The following TRIM3 variants were observed in gnomAD, a reference collection of about 807,000 sequenced individuals.
TRIM3 encodes the protein tripartite motif containing 3.
TRIM3 carries 13 observed loss-of-function variants against 66.6 expected under a neutral mutation model. That is an observed-to-expected ratio of 0.20 (90% CI 0.13 to 0.31). The LOEUF (loss-of-function observed/expected upper bound fraction) is 0.31, where lower values mean the gene tolerates loss of function less well. Ranked by LOEUF, TRIM3 falls within the 10% of genes least tolerant of loss-of-function variation. The pLI is 1.00. For synonymous variants in TRIM3, 406 were observed against 411.7 expected, an observed-to-expected ratio of 0.99 and a Z score of 0.17; for missense variants, 711 against 1,020.4, an observed-to-expected ratio of 0.70 and a Z score of 4.13.
Position 6,456,742 on chromosome 11 carries a change from C to T in TRIM3, c.984G>A (p.Thr328=), listed in dbSNP as rs1375538601. 2.5e-6 allele frequency: 4 copies of T among 1,610,864 alleles called. No individual in the cohort carries two copies. Among genetic ancestry groups the T allele is most frequent in the Middle Eastern group, 1.7e-4 (1 of 6,060 alleles). The change falls in exon 6 of 12, where the codon ACG becomes ACA. Residue 328 remains threonine (T), a synonymous_variant. Transcript: ENST00000345851. This position sits in a 1 kb window ranked among gnomAD's most constrained non-coding sequence, Gnocchi z 6.4. ...CTAGCGCCTGGCGCAGGCCCTCTCC[C>T]GTGGCCACCGTTTCGTGTGCAGTGG... ...TSATAHETVA[T]GEGLRQALVG...
intron 1 of TRIM3, among the ~76,000 whole-genome samples, chr11:6,471,951 T>TAC (rs1387897252): frequency 6.6e-6 from 1 of 152,080 alleles, no homozygotes; most frequent in East Asian, 1.9e-4. Context: ...CCTAAAAGCA[T>TAC]AAAAATAAAT....
chr11:6,463,926 C>G (rs143432611), intron 2 of TRIM3, among the ~76,000 whole-genome samples: 70 of 152,276 alleles, frequency 4.6e-4, no homozygotes, highest in African/African-American at 1.5e-3. Flanking sequence ...GGCAGTGGAG[C>G]TGGAATCTCA....
chr11:6,456,443 G>A lies in TRIM3; in HGVS notation c.1283C>T (p.Pro428Leu), dbSNP rs748564572. 2.6e-6 allele frequency: 4 copies of A among 1,537,820 alleles called. No homozygotes were observed. The highest frequency in any genetic ancestry group is 2.0e-5 in the Admixed American group (1 of 50,960). The change falls in exon 6 of 12, where the codon CCG (proline) becomes CTG (leucine). Residue 428 changes from proline to leucine, a missense_variant. Pro to Leu is a moderately conservative substitution (Grantham distance 98). This residue lies in a region of TRIM3 where 399 missense variants were observed against 458.1 expected (regional missense o/e 0.87). Coordinates refer to ENST00000345851, the MANE Select transcript of TRIM3 (RefSeq NM_033278.4). This position sits in a 1 kb window ranked among gnomAD's most constrained non-coding sequence, Gnocchi z 6.4. The part of the protein sequence containing the change: ...ALRPGDLPPS[P>L]DDVKRRVKSP... ...CTTGACACGGCGCTTCACATCGTCC[G>A]GGGAAGGTGGCAGGTCCCCCGGACG...
chr11:6,457,836 A>G lies in TRIM3; in HGVS notation c.375T>C (p.Phe125=). The change falls in exon 4 of 12, where the codon TTT becomes TTC. Residue 125 remains phenylalanine (F), a synonymous_variant. Transcript: ENST00000345851. The surrounding 1 kb of genome is among the most constrained non-coding windows in gnomAD (Gnocchi z 4.5). ...CPNHEGKTME[F]YCEACETAMC... Reference sequence around the variant, plus strand: ...TGGCCGTCTCACAGGCCTCACAGTAAAACTCCATCGTCTGCGGTACAAGGA... The same window carrying G: ...TGGCCGTCTCACAGGCCTCACAGTAGAACTCCATCGTCTGCGGTACAAGGA... 1 of 1,614,150 alleles carries G rather than the reference A, an allele frequency of 6.2e-7. No individual in the cohort carries two copies. Among genetic ancestry groups the G allele is most frequent in the South Asian group, 1.1e-5 (1 of 91,080 alleles).
chr11:6,462,501 A>G (rs1850290982), intron 2 of TRIM3, among the ~76,000 whole-genome samples: 1 of 152,042 alleles, frequency 6.6e-6, no homozygotes, highest in South Asian at 2.1e-4. Flanking sequence ...TCCACCTCCC[A>G]GGCTCAAATG....
chr11:6,473,189 G>C (rs567797305), intron 1 of TRIM3: 4 of 152,654 alleles, frequency 2.6e-5, no homozygotes, highest in African/African-American at 9.7e-5. Context: ...CAGAACCAGG[G>C]AGGGGCCTGG....
intron 1 of TRIM3, among the ~76,000 whole-genome samples, chr11:6,470,311 A>C (rs918334844): frequency 6.6e-6 from 1 of 152,196 alleles, no homozygotes; most frequent in African/African-American, 2.4e-5. Context: ...GAGAAGAAGG[A>C]ATTAACAGAT....
rs1294220792 is a variant in TRIM3, at chr11:6,449,190, G to A, written c.2083-10C>T. On this transcript the variant is annotated splice_polypyrimidine_tract_variant and intron_variant, in intron 11 of 11. Coordinates refer to ENST00000345851, the MANE Select transcript of TRIM3 (RefSeq NM_033278.4). This position sits in a 1 kb window ranked among gnomAD's most constrained non-coding sequence, Gnocchi z 5.3. ...CAGAGCTGTCGAATACCTGGGGAAG[G>A]AGTGCAGAAAGGAGGGAGAGGCAAG... 1 of 1,613,740 alleles carries A rather than the reference G, an allele frequency of 6.2e-7. No individual in the cohort carries two copies. The highest frequency in any genetic ancestry group is 8.5e-7 in the Non-Finnish European group (1 of 1,179,638).
At chr11:6,455,947 T>A in intron 7 of TRIM3, 125 bp downstream of exon 7, 1 of 605,190 alleles carries the variant, frequency 1.7e-6, no homozygotes, top group South Asian at 2.7e-5. Context: ...TCACTGCTCT[T>A]AAGGAACGGT....
At chr11:6,454,984 T>C (rs1589826563) in intron 7 of TRIM3, among the ~76,000 whole-genome samples, 1 of 152,114 alleles carries the variant, frequency 6.6e-6, no homozygotes, top group Non-Finnish European at 1.5e-5. Flanking sequence ...CCCTATAGGA[T>C]AAAATCAAAA....
chr11:6,465,929 A>C (rs147830004), intron 1 of TRIM3, among the ~76,000 whole-genome samples, 197 bp from the exon 2 acceptor site: 73 of 152,330 alleles, frequency 4.8e-4, no homozygotes, highest in African/African-American at 1.6e-3. Flanking sequence ...GTAGGATTAG[A>C]TTGGGTTTCA....
At chr11:6,460,277 G>A (rs1443415441) in intron 2 of TRIM3, among the ~76,000 whole-genome samples, 2 of 152,186 alleles carry the variant, frequency 1.3e-5, no homozygotes, top group Non-Finnish European at 2.9e-5. Flanking sequence ...GGAGGGAGTG[G>A]CAGGAGAAGG....
In TRIM3 at chr11:6,456,303, G is replaced by A. The variant is rs1564965160; in HGVS notation, c.1423C>T (p.Arg475Cys). The A allele has an allele frequency of 1.3e-6, 2 of 1,555,368 alleles. No homozygotes were observed. Among genetic ancestry groups the A allele is most frequent in the African/African-American group, 1.4e-5 (1 of 73,548 alleles). ...TGCCCTCGGCTGTCTGTACCAACAC[G>A]GAAGACGAGCTCATCCTCAATTGGG... ...DNPIEDELVF[R>C]VGSRGREKGE... Residue 475 changes from arginine to cysteine, a missense_variant, in exon 6 of 12, where the codon CGT becomes TGT. This residue lies in a region of TRIM3 where 399 missense variants were observed against 458.1 expected (regional missense o/e 0.87). Coordinates refer to ENST00000345851, the MANE Select transcript of TRIM3 (RefSeq NM_033278.4). This position sits in a 1 kb window ranked among gnomAD's most constrained non-coding sequence, Gnocchi z 6.4.
At chr11:6,469,751 G>A (rs2134231744) in intron 1 of TRIM3, among the ~76,000 whole-genome samples, 1 of 152,304 alleles carries the variant, frequency 6.6e-6, no homozygotes, top group Admixed American at 6.5e-5. Flanking sequence ...AAGTGGTGAA[G>A]ACCATGATGA....
intron 1 of TRIM3, among the ~76,000 whole-genome samples, chr11:6,466,587 TGCTG>T (rs1474420232): frequency 7.1e-6 from 1 of 140,502 alleles, no homozygotes; most frequent in Admixed American, 7.6e-5. Flanking sequence ...CAATCATTCC[TGCTG>T]GGTTTTTTTT....
rs1384295168 is a variant in TRIM3, at chr11:6,457,685, C to A, written c.515+11G>T. On this transcript the variant is annotated intron_variant, in intron 4 of 11. Transcript: ENST00000345851. The surrounding 1 kb of genome is among the most constrained non-coding windows in gnomAD (Gnocchi z 4.5). ...TGGCCCCACCAGCCCAGGACCCTGCCCAGTGCCTACCGGCCACGCACAGCC... is the reference window on the plus strand; with the variant it reads ...TGGCCCCACCAGCCCAGGACCCTGCACAGTGCCTACCGGCCACGCACAGCC... 6.2e-7 allele frequency: 1 copy of A among 1,609,542 alleles called. No individual in the cohort carries two copies. Among genetic ancestry groups the A allele is most frequent in the African/African-American group, 1.3e-5 (1 of 74,950 alleles).
chr11:6,462,509 A>G (rs1473100354), intron 2 of TRIM3, among the ~76,000 whole-genome samples: 1 of 152,046 alleles, frequency 6.6e-6, no homozygotes, highest in Non-Finnish European at 1.5e-5. Context: ...CCAGGCTCAA[A>G]TGATCCTCCC....
At chr11:6,462,556 T>C (rs919841203) in intron 2 of TRIM3, among the ~76,000 whole-genome samples, 1 of 151,768 alleles carries the variant, frequency 6.6e-6, no homozygotes, top group Non-Finnish European at 1.5e-5. Context: ...TACAGGTGCA[T>C]GCCACCACAC....
At chr11:6,467,996 T>A (rs551947265) in intron 1 of TRIM3, among the ~76,000 whole-genome samples, 1 of 152,188 alleles carries the variant, frequency 6.6e-6, no homozygotes, top group South Asian at 2.1e-4. Flanking sequence ...TTGAGAAATA[T>A]TCATTGGCCG....
Sources: allele counts gnomAD v4.1 joint callset (sites outside exome capture counted in the v4.1 genomes callset), GRCh38; gene constraint gnomAD v4.1.1; regional missense constraint gnomAD v4.1.1; non-coding constraint Gnocchi (gnomAD v3.1); transcripts MANE v1.5; gene names NCBI Gene and HGNC (gene_info 2026-07-23, HGNC 2026-07-21).